Variants in SIL1 observed in about 807,000 individuals in gnomAD.
SIL1 encodes nucleotide exchange factor SIL1.
SIL1 carries 40 observed loss-of-function variants against 49.1 expected under a neutral mutation model. The ratio of observed to expected loss-of-function variants is 0.81; its 90% confidence interval spans 0.63 to 1.06. SIL1 has a LOEUF of 1.06. SIL1 is among the 50% of genes least tolerant of loss of function. The probability of loss-of-function intolerance (pLI) is 0.00; values close to 1 mark genes in which losing one functional copy is unlikely to be tolerated. For synonymous variants in SIL1, 253 were observed against 250.8 expected (o/e 1.01, Z -0.08); for missense variants, 500 against 572.6 (o/e 0.87, Z 1.29).
chr5:139,018,896 G>T (rs1396313835), intron 7 of SIL1, among the ~76,000 whole-genome samples: 3 of 152,230 alleles, frequency 2.0e-5, no homozygotes, highest in African/African-American at 7.2e-5. Flanking sequence ...TAAGAAAAAG[G>T]TGAGGCTTAG....
chr5:138,967,477 G>A (rs1041223921), intron 7 of SIL1, among the ~76,000 whole-genome samples: 3 of 152,220 alleles, frequency 2.0e-5, no homozygotes, highest in Admixed American at 6.5e-5. Flanking sequence ...GACCCAGGCC[G>A]TGAGGGCCAC....
chr5:139,113,714 C>T (rs564881902), intron 3 of SIL1, among the ~76,000 whole-genome samples: 14 of 152,182 alleles, frequency 9.2e-5, no homozygotes, highest in African/African-American at 2.4e-4. Context: ...TAGTCTTAAC[C>T]GTGGAGATGC....
At chr5:139,120,902 C>T (rs939830747) in intron 3 of SIL1, 133 bp downstream of exon 3, 10 of 1,133,730 alleles carry the variant, frequency 8.8e-6, no homozygotes, top group Middle Eastern at 2.9e-4. Context: ...GCAGCTACCA[C>T]TCTGACGGAC....
At chr5:139,187,713 A>AAG (rs36005068) in intron 1 of SIL1, 72,271 of 151,734 alleles carry the variant, frequency 0.48, 17,764 homozygotes, top group South Asian at 0.55. Context: ...TTGGAACACC[A>AAG]ACAACCTGAT....
chr5:139,095,770 G>A (rs1261575899), intron 3 of SIL1, among the ~76,000 whole-genome samples: 8 of 152,104 alleles, frequency 5.3e-5, no homozygotes, highest in Admixed American at 3.9e-4. Flanking sequence ...CAAGGCTGCG[G>A]TGAGTCGTGA....
At chr5:139,190,094 T>C (rs1752140944) in intron 1 of SIL1, among the ~76,000 whole-genome samples, 1 of 152,208 alleles carries the variant, frequency 6.6e-6, no homozygotes, top group South Asian at 2.1e-4. Flanking sequence ...TAACTTACAA[T>C]CTGACAACTA....
At chr5:138,998,467 T>A (rs1767920779) in intron 7 of SIL1, among the ~76,000 whole-genome samples, 1 of 152,130 alleles carries the variant, frequency 6.6e-6, no homozygotes, top group African/African-American at 2.4e-5. Flanking sequence ...TGTGCTCAGC[T>A]GAGGCTGGGT....
intron 1 of SIL1, chr5:139,155,443 C>CAGAGGGAGAGAGAGAGAGAGAGAG (rs1554136147): frequency 1.5e-5 from 1 of 68,090 alleles, no homozygotes; most frequent in Non-Finnish European, 4.4e-5. Flanking sequence ...CACACGTACA[C>CAGAGGGAGAGAGAGAGAGAGAGAG]AGAGTGAGAG....
At position 139,127,736 on chromosome 5, in the gene SIL1, T is replaced by G; in HGVS notation, c.105+3A>C. 1 of 1,607,348 alleles carries G rather than the reference T, an allele frequency of 6.2e-7. No homozygotes were observed. The highest frequency in any genetic ancestry group is 8.5e-7 in the Non-Finnish European group (1 of 1,177,642). On this transcript the variant is annotated splice_donor_region_variant and intron_variant, in intron 2 of 9. Transcript: ENST00000394817. ...CCCTCCCATTTACAATAAAGATATTTACCAGGTTCTGATGACTGAGGCAGA... is the reference window on the plus strand; with the variant it reads ...CCCTCCCATTTACAATAAAGATATTGACCAGGTTCTGATGACTGAGGCAGA...
At position 138,951,889 on chromosome 5, in the gene SIL1, G is replaced by A; in HGVS notation, c.768-5C>T. The A allele has an allele frequency of 6.2e-7, 1 of 1,613,026 alleles. No individual in the cohort carries two copies. Among genetic ancestry groups the A allele is most frequent in the Non-Finnish European group, 8.5e-7 (1 of 1,179,654 alleles). On this transcript the variant is annotated splice_polypyrimidine_tract_variant and splice_region_variant and intron_variant, in intron 7 of 9. Transcript: ENST00000394817. ...TCCACCTGGACCTTGGGGTTGCTGG[G>A]GAAGAAGCACAGGACAGCATGACTA...
chr5:139,163,061 G>A (rs909469834), intron 1 of SIL1, among the ~76,000 whole-genome samples: 1 of 151,762 alleles, frequency 6.6e-6, no homozygotes, highest in South Asian at 2.1e-4. Context: ...GTAAGTTACT[G>A]TGTCCAGAAC....
At chr5:139,087,127 C>T (rs1770240995) in intron 3 of SIL1, among the ~76,000 whole-genome samples, 1 of 152,016 alleles carries the variant, frequency 6.6e-6, no homozygotes, top group Admixed American at 6.6e-5. Context: ...GCCACTGCAC[C>T]TAGCCAATAT....
At chr5:139,174,937 C>CAAAAAAAAAAAAAAAAAAAA (rs56959325) in intron 1 of SIL1, among the ~76,000 whole-genome samples, 137 of 59,692 alleles carry the variant, frequency 2.3e-3, no homozygotes, top group East Asian at 2.5e-3. Context: ...GACTGTGTCT[C>CAAAAAAAAAAAAAAAAAAAA]AAAAAAAAAA....
At chr5:139,105,560 C>T (rs1382036238) in intron 3 of SIL1, among the ~76,000 whole-genome samples, 2 of 152,158 alleles carry the variant, frequency 1.3e-5, no homozygotes, top group Non-Finnish European at 2.9e-5. Flanking sequence ...GCAGGCCATA[C>T]AAGAACAGAG....
chr5:138,998,882 G>C (rs1767930117), intron 7 of SIL1, among the ~76,000 whole-genome samples: 1 of 89,598 alleles, frequency 1.1e-5, no homozygotes, highest in African/African-American at 5.2e-5. Flanking sequence ...TTTTGAGACA[G>C]TTTTGTTCTT....
intron 7 of SIL1, among the ~76,000 whole-genome samples, chr5:138,957,954 C>T (rs1235075609): frequency 1.3e-5 from 2 of 150,380 alleles, no homozygotes; most frequent in East Asian, 2.0e-4. Flanking sequence ...GGGGTTCTCA[C>T]GATATTGCCC....
At chr5:138,975,194 C>G (rs910244759) in intron 7 of SIL1, among the ~76,000 whole-genome samples, 3 of 152,090 alleles carry the variant, frequency 2.0e-5, no homozygotes, top group African/African-American at 7.2e-5. Flanking sequence ...GGCAAGAAGC[C>G]TATAGGAAGG....
chr5:139,022,870 T>C (rs1388761984), intron 6 of SIL1, among the ~76,000 whole-genome samples: 2 of 152,238 alleles, frequency 1.3e-5, no homozygotes, highest in Admixed American at 1.3e-4. Flanking sequence ...GCTCTAATTT[T>C]ACAATGTAAG....
chr5:139,054,254 TA>T (rs1212553327), intron 3 of SIL1, among the ~76,000 whole-genome samples: 4 of 151,952 alleles, frequency 2.6e-5, no homozygotes, highest in African/African-American at 9.7e-5. Flanking sequence ...AAAATTAAAA[TA>T]AAAAAATTAG....
Sources: gnomAD v4.1 joint callset for allele counts (sites outside exome capture counted in the v4.1 genomes callset) on GRCh38, gnomAD v4.1.1 for gene constraint, MANE v1.5 for transcripts, NCBI Gene and HGNC (gene_info 2026-07-23, HGNC 2026-07-21) for gene names.